Variants in TRPC5OS observed in about 807,000 individuals in gnomAD.
TRPC5OS encodes putative uncharacterized protein TRPC5OS.
For missense variants in TRPC5OS, 64 were observed against 79.3 expected (o/e 0.81, Z 0.73); for synonymous variants, 30 against 29.3 (o/e 1.02, Z -0.08).
chrX:111,889,148 C>A (rs1054629431), intron 1 of TRPC5OS, among the ~76,000 whole-genome samples: 3 of 111,585 alleles, frequency 2.7e-5, no homozygotes, highest in African/African-American at 9.8e-5. Context: ...TATGAGGTCA[C>A]CAAGAGTGTG....
At chrX:111,884,494 A>T (rs1266125044) in intron 1 of TRPC5OS, among the ~76,000 whole-genome samples, 1 of 112,870 alleles carries the variant, frequency 8.9e-6, no homozygotes, top group Admixed American at 9.3e-5. Context: ...GCCCAGTTTA[A>T]ACCTAGCCAT....
At position 111,886,500 on chromosome X, in the gene TRPC5OS, T is replaced by C. The variant is rs146675944; in HGVS notation, c.-545-9451T>C. ...GTTTATTTATTGAATTGTTGCATGC[T>C]GTTTCATTATGGGATATTTGTTGAG... On this transcript the variant is annotated intron_variant, in intron 1 of 3. Coordinates refer to ENST00000635763, the MANE Select transcript of TRPC5OS (RefSeq NM_001195578.2). 8.0e-5 allele frequency among the ~76,000 whole-genome samples: 9 copies of C among 111,926 alleles called. No individual in the cohort carries two copies. In the East Asian group the frequency reaches 2.5e-3, roughly 31 times the overall value.
intron 3 of TRPC5OS, among the ~76,000 whole-genome samples, chrX:111,897,454 C>T (rs1171705061): frequency 3.6e-5 from 4 of 111,070 alleles, no homozygotes; most frequent in South Asian, 3.8e-4. Flanking sequence ...TTTTGACACA[C>T]GCATTCTCCT....
At chrX:111,889,575 G>A (rs1924704569) in intron 1 of TRPC5OS, among the ~76,000 whole-genome samples, 1 of 112,216 alleles carries the variant, frequency 8.9e-6, no homozygotes, top group Non-Finnish European at 1.9e-5. Flanking sequence ...TGAGTGTCAA[G>A]CATATAAAGC....
At chrX:111,900,306 C>A (rs1323687136) in intron 3 of TRPC5OS, among the ~76,000 whole-genome samples, 1 of 111,390 alleles carries the variant, frequency 9.0e-6, no homozygotes, top group Non-Finnish European at 1.9e-5. Flanking sequence ...CTAGGAAAAG[C>A]CTGACTGGGA....
chrX:111,883,560 C>G (rs1924332181), intron 1 of TRPC5OS, among the ~76,000 whole-genome samples: 1 of 112,822 alleles, frequency 8.9e-6, no homozygotes, highest in Non-Finnish European at 1.9e-5. Flanking sequence ...CCAGTTAAAG[C>G]CTAGCCAGGG....
At chrX:111,898,035 T>C (rs987986569) in intron 3 of TRPC5OS, among the ~76,000 whole-genome samples, 9 of 110,326 alleles carry the variant, frequency 8.2e-5, no homozygotes, top group African/African-American at 1.6e-4. Context: ...TCTACATCTT[T>C]GTCAATATTT....
chrX:111,889,883 G>A (rs946227307), intron 1 of TRPC5OS, among the ~76,000 whole-genome samples: 12 of 111,488 alleles, frequency 1.1e-4, no homozygotes, highest in African/African-American at 3.3e-4. Flanking sequence ...GTTCAGCTAG[G>A]CTTTTTGTAT....
At chrX:111,889,187 G>A (rs1924682799) in intron 1 of TRPC5OS, among the ~76,000 whole-genome samples, 1 of 111,609 alleles carries the variant, frequency 9.0e-6, no homozygotes, top group African/African-American at 3.3e-5. Context: ...GAGGACTTGG[G>A]GAGTGATTGG....
intron 1 of TRPC5OS, among the ~76,000 whole-genome samples, chrX:111,893,686 A>G (rs1302550895): frequency 9.0e-6 from 1 of 111,541 alleles, no homozygotes; most frequent in Non-Finnish European, 1.9e-5. Flanking sequence ...ATATATTTTC[A>G]AGAAGGGGCC....
At chrX:111,891,382 T>A (rs1924796335) in intron 1 of TRPC5OS, among the ~76,000 whole-genome samples, 1 of 111,298 alleles carries the variant, frequency 9.0e-6, no homozygotes, top group Non-Finnish European at 1.9e-5. Context: ...GCATCTGTTA[T>A]TTTTTGACTT....
intron 1 of TRPC5OS, among the ~76,000 whole-genome samples, chrX:111,877,637 A>G (rs1924015509): frequency 9.0e-6 from 1 of 111,479 alleles, no homozygotes; most frequent in South Asian, 3.8e-4. Context: ...GGGTAAAACC[A>G]TAGGAGTTGG....
chrX:111,878,100 C>T (rs1054397358), intron 1 of TRPC5OS, among the ~76,000 whole-genome samples: 2 of 110,529 alleles, frequency 1.8e-5, no homozygotes, highest in African/African-American at 3.3e-5. Context: ...GAGTAGTAGC[C>T]TCCTTCAAAC....
intron 1 of TRPC5OS, among the ~76,000 whole-genome samples, chrX:111,888,699 A>C (rs1316063346): frequency 9.8e-6 from 1 of 102,358 alleles, no homozygotes; most frequent in Non-Finnish European, 2.0e-5. Flanking sequence ...ATCTCAAAAA[A>C]AAAAAAAAAA....
At position 111,876,216 on chromosome X, in the gene TRPC5OS, G is replaced by A. The variant is rs919304243; in HGVS notation, c.-603G>A. The A allele has an allele frequency of 1.4e-4, 15 of 110,961 alleles. No individual in the cohort carries two copies. Among genetic ancestry groups the A allele is most frequent in the African/African-American group, 4.9e-4 (15 of 30,547 alleles). 9.1% of individuals were successfully genotyped at this position (110,961 alleles called of 1,213,427 possible). On this transcript the variant is annotated 5_prime_UTR_variant, in exon 1 of 4. The change abolishes an upstream ATG in the 5' untranslated region. Coordinates refer to ENST00000635763, the MANE Select transcript of TRPC5OS (RefSeq NM_001195578.2). The stretch of plus-strand genomic sequence containing the variant: ...TAAGCCTTTGGATTACAGCTCTGAT[G>A]TTTCTGGTAGCCATCTTTTTCTAAT...
At chrX:111,893,315 T>C in intron 1 of TRPC5OS, among the ~76,000 whole-genome samples, 1 of 111,098 alleles carries the variant, frequency 9.0e-6, no homozygotes, top group Non-Finnish European at 1.9e-5. Context: ...AAAAAATCTT[T>C]CTAGAAGTAT....
chrX:111,879,971 G>A (rs995790671), intron 1 of TRPC5OS, among the ~76,000 whole-genome samples: 17 of 111,404 alleles, frequency 1.5e-4, no homozygotes, highest in African/African-American at 5.2e-4. Flanking sequence ...AGGAAGAACC[G>A]AAGACCAAAA....
chrX:111,899,380 C>T (rs944758662), intron 3 of TRPC5OS, among the ~76,000 whole-genome samples: 1 of 110,927 alleles, frequency 9.0e-6, no homozygotes, highest in Non-Finnish European at 1.9e-5. Context: ...TTTGATGAAT[C>T]AAATATAATT....
At chrX:111,898,297 G>A (rs369573416) in intron 3 of TRPC5OS, among the ~76,000 whole-genome samples, 200 of 101,899 alleles carry the variant, frequency 2.0e-3, no homozygotes, top group African/African-American at 5.8e-3. Context: ...GCGTGTGTGC[G>A]CACACACACA....
Sources: gnomAD v4.1 joint callset for allele counts (sites outside exome capture counted in the v4.1 genomes callset) on GRCh38, gnomAD v4.1.1 for gene constraint, MANE v1.5 for transcripts, NCBI Gene and HGNC (gene_info 2026-07-23, HGNC 2026-07-21) for gene names.